The following PCDHA5 variants were observed in gnomAD, a reference collection of about 807,000 sequenced individuals.
PCDHA5 encodes the protein protocadherin alpha 5.
PCDHA5 carries 43 observed loss-of-function variants against 61.6 expected under a neutral mutation model. The ratio of observed to expected loss-of-function variants is 0.70; its 90% confidence interval spans 0.55 to 0.90. The LOEUF (loss-of-function observed/expected upper bound fraction) is 0.90, where lower values mean the gene tolerates loss of function less well. Ranked by LOEUF, PCDHA5 falls within the 40% of genes least tolerant of loss-of-function variation. The pLI, the probability that PCDHA5 is intolerant of heterozygous loss-of-function variation, is 0.00. For missense variants in PCDHA5, 1,298 were observed against 1,222.7 expected, an observed-to-expected ratio of 1.06 and a Z score of -0.92; for synonymous variants, 627 against 543.9, an observed-to-expected ratio of 1.15 and a Z score of -2.13.
chr5:140,852,129 C>T (rs2042245206), intron 1 of PCDHA5: 2 of 891,056 alleles, frequency 2.2e-6, no homozygotes, highest in South Asian at 5.1e-5. Context: ...ATTAAAAACT[C>T]AGTAGAGAAA....
At chr5:140,871,425 T>A (rs782021225) in intron 1 of PCDHA5, 7 of 1,613,404 alleles carry the variant, frequency 4.3e-6, no homozygotes, top group Admixed American at 3.3e-5. Flanking sequence ...TCAGCCCCAG[T>A]CTTCCTCTAG....
intron 1 of PCDHA5, among the ~76,000 whole-genome samples, chr5:140,916,315 A>C (rs1554197391): frequency 3.9e-5 from 6 of 152,204 alleles, no homozygotes; most frequent in Non-Finnish European, 8.8e-5. Context: ...GGTGCAAGAC[A>C]AAGTCCCCTT....
intron 3 of PCDHA5, among the ~76,000 whole-genome samples, chr5:140,984,328 G>A (rs1221209076): frequency 3.3e-5 from 5 of 152,156 alleles, no homozygotes; most frequent in African/African-American, 1.2e-4. Context: ...GGCAAATGTG[G>A]AATAGGAACC....
chr5:140,984,271 A>G (rs1403531837), intron 3 of PCDHA5, among the ~76,000 whole-genome samples: 1 of 152,196 alleles, frequency 6.6e-6, no homozygotes, highest in African/African-American at 2.4e-5. Context: ...ACTAACTTTG[A>G]ATACATTCTC....
rs1236174883 is a variant in PCDHA5 at position 140,948,633 on chromosome 5, C to T, written c.2353-30316C>T. Among the ~76,000 whole-genome samples the T allele has an allele frequency of 2.6e-5, 4 of 151,768 alleles. No individual in the cohort carries two copies. The East Asian group carries it at 7.7e-4, about 29-fold the overall frequency. ...GGCACAAAGTTGTTAATAATATTCTCTCATCTTTTAACGTCTGTATAATCT... is the reference window on the plus strand; with the variant it reads ...GGCACAAAGTTGTTAATAATATTCTTTCATCTTTTAACGTCTGTATAATCT... On this transcript the variant is annotated intron_variant, in intron 1 of 3. Transcript: ENST00000529859.
intron 1 of PCDHA5, chr5:140,968,253 C>T: frequency 6.2e-7 from 1 of 1,614,026 alleles, no homozygotes; most frequent in Non-Finnish European, 8.5e-7. Context: ...GCCACAGACC[C>T]AGATGAAAAG....
At chr5:140,881,147 A>G (rs982102013) in intron 1 of PCDHA5, among the ~76,000 whole-genome samples, 3 of 152,238 alleles carry the variant, frequency 2.0e-5, no homozygotes, top group Non-Finnish European at 4.4e-5. Context: ...ATAACAATAG[A>G]TAAAAGTAAG....
At chr5:140,968,539 C>T (rs781815829) in intron 1 of PCDHA5, 30 of 1,614,078 alleles carry the variant, frequency 1.9e-5, no homozygotes, top group East Asian at 6.7e-5. Context: ...CAGCAGCCTT[C>T]GAGATGGTGC....
At chr5:140,909,094 T>C (rs1445563506) in intron 1 of PCDHA5, among the ~76,000 whole-genome samples, 1 of 152,196 alleles carries the variant, frequency 6.6e-6, no homozygotes, top group Admixed American at 6.5e-5. Context: ...TACTTCTCAC[T>C]CACTGGGTCC....
chr5:141,008,731 A>G (rs570212555), intron 3 of PCDHA5, among the ~76,000 whole-genome samples: 88 of 152,328 alleles, frequency 5.8e-4, no homozygotes, highest in Non-Finnish European at 1.0e-3. Flanking sequence ...GTCCAACTAG[A>G]CTGTGAGCAC....
rs542968986 is a variant in PCDHA5, at chr5:141,005,917, A to T, written c.2501-3710A>T. On this transcript the variant is annotated intron_variant, in intron 3 of 3. Transcript: ENST00000529859. ...AGCAATGATTGCACCACTGCACTTCAGCCTGGTTGACAGAGTGAGAACCTA... is the reference window on the plus strand; with the variant it reads ...AGCAATGATTGCACCACTGCACTTCTGCCTGGTTGACAGAGTGAGAACCTA... Among the ~76,000 whole-genome samples the T allele has an allele frequency of 4.5e-4, 69 of 152,156 alleles. No homozygotes were observed. In the South Asian group the frequency reaches 0.013, roughly 28 times the overall value.
At chr5:140,883,008 AT>A in intron 1 of PCDHA5, 1 of 1,614,178 alleles carries the variant, frequency 6.2e-7, no homozygotes, top group Non-Finnish European at 8.5e-7. Context: ...CAATCCGTTT[AT>A]AAAGTGACGG....
Position 140,968,771 on chromosome 5 carries a change from T to C in PCDHA5, c.2353-10178T>C, listed in dbSNP as rs144153196. The C allele has an allele frequency of 3.1e-6, 5 of 1,614,024 alleles. No homozygotes were observed. Among genetic ancestry groups the C allele is most frequent in the Non-Finnish European group, 4.2e-6 (5 of 1,180,044 alleles). On this transcript the variant is annotated intron_variant, in intron 1 of 3. Transcript: ENST00000529859. The stretch of plus-strand genomic sequence containing the variant: ...GGTGGTCCGAGATAATGGAGAGCCA[T>C]CACTATCAGCCTCTGTGGCCATTAC...
intron 1 of PCDHA5, among the ~76,000 whole-genome samples, chr5:140,978,150 C>A (rs1009630892): frequency 6.6e-6 from 1 of 152,168 alleles, no homozygotes; most frequent in Non-Finnish European, 1.5e-5. Context: ...TTGTTCTCCC[C>A]CTTCAGACTG....
At chr5:140,876,172 G>C in intron 1 of PCDHA5, 1 of 1,613,970 alleles carries the variant, frequency 6.2e-7, no homozygotes, top group East Asian at 2.2e-5. Flanking sequence ...AACCGTCCTG[G>C]ATGTGAATGA....
At chr5:140,946,456 G>A (rs1554217589) in intron 1 of PCDHA5, among the ~76,000 whole-genome samples, 1 of 151,574 alleles carries the variant, frequency 6.6e-6, no homozygotes, top group African/African-American at 2.4e-5. Flanking sequence ...CAACTATCCA[G>A]CAATCCCACT....
intron 1 of PCDHA5, among the ~76,000 whole-genome samples, chr5:140,918,603 A>G (rs2078773753): frequency 6.6e-6 from 1 of 152,252 alleles, no homozygotes; most frequent in African/African-American, 2.4e-5. Context: ...AGATGTTGCT[A>G]TGATATGAAT....
chr5:140,984,982 G>A lies in PCDHA5; in HGVS notation c.2500+2419G>A, dbSNP rs544151858. On this transcript the variant is annotated intron_variant, in intron 3 of 3. Coordinates refer to ENST00000529859, the MANE Select transcript of PCDHA5 (RefSeq NM_018908.3). ...AGACAGAGTCTCGCTCTGTCCCCCA[G>A]GCTGGAGTCCAGTGGCACGATATCG... Among the ~76,000 whole-genome samples the A allele has an allele frequency of 1.1e-3, 174 of 152,116 alleles. 2 individuals are homozygous for A. In the South Asian group the frequency reaches 0.016, roughly 14 times the overall value.
intron 3 of PCDHA5, among the ~76,000 whole-genome samples, chr5:140,989,348 G>A (rs1455202093): frequency 6.6e-6 from 1 of 152,196 alleles, no homozygotes; most frequent in African/African-American, 2.4e-5. Context: ...GCTCAAAGGT[G>A]ATAGGTCACC....
Sources: allele counts gnomAD v4.1 joint callset (sites outside exome capture counted in the v4.1 genomes callset), GRCh38; gene constraint gnomAD v4.1.1; transcripts MANE v1.5; gene names NCBI Gene and HGNC (gene_info 2026-07-23, HGNC 2026-07-21).